The following KALRN variants were observed in gnomAD, a reference collection of about 807,000 sequenced individuals.
KALRN encodes kalirin.
Under a neutral mutation model 353.7 loss-of-function variants are expected in KALRN, and 70 were observed. That is an observed-to-expected ratio of 0.20 (90% CI 0.16 to 0.24). KALRN has a LOEUF of 0.24. Ranked by LOEUF, KALRN falls within the 10% of genes least tolerant of loss-of-function variation. The pLI is 1.00. For synonymous variants in KALRN, 1,391 were observed against 1,434.8 expected, an observed-to-expected ratio of 0.97 and a Z score of 0.69; for missense variants, 2,791 against 3,756.7, an observed-to-expected ratio of 0.74 and a Z score of 6.72.
chr3:124,337,753 G>T (rs560609272), intron 9 of KALRN, among the ~76,000 whole-genome samples: 3 of 152,130 alleles, frequency 2.0e-5, no homozygotes, highest in Non-Finnish European at 2.9e-5. Context: ...TTAGAATTCG[G>T]CTGTGAATCC....
intron 34 of KALRN, among the ~76,000 whole-genome samples, chr3:124,628,514 C>CCCTTCCTTT (rs1444425806): frequency 1.3e-5 from 1 of 77,368 alleles, no homozygotes. Context: ...TCCCTTCCTT[C>CCCTTCCTTT]CCTTCCTTTC....
intron 6 of KALRN, 143 bp downstream of exon 6, chr3:124,299,056 A>T: frequency 2.7e-6 from 3 of 1,106,796 alleles, no homozygotes; most frequent in Non-Finnish European, 4.0e-6. Flanking sequence ...TGGAATGGGG[A>T]TGAGTGCAGG....
At chr3:124,629,104 G>A (rs768989395) in intron 34 of KALRN, among the ~76,000 whole-genome samples, 4 of 152,058 alleles carry the variant, frequency 2.6e-5, no homozygotes, top group Non-Finnish European at 5.9e-5. Flanking sequence ...TATGCAAACC[G>A]GCACTGTCAG....
intron 1 of KALRN, among the ~76,000 whole-genome samples, chr3:124,055,591 T>TC (rs2041456445): frequency 6.6e-6 from 1 of 152,196 alleles, no homozygotes; most frequent in African/African-American, 2.4e-5. Context: ...GTTTGTGATT[T>TC]CCCCCTTAGA....
At chr3:124,076,702 A>G (rs1214035426) in intron 1 of KALRN, among the ~76,000 whole-genome samples, 1 of 152,212 alleles carries the variant, frequency 6.6e-6, no homozygotes, top group African/African-American at 2.4e-5. Flanking sequence ...AAAGATCATA[A>G]TGACCCATGT....
intron 34 of KALRN, among the ~76,000 whole-genome samples, chr3:124,628,307 TCCCTCCC>T (rs1561463775): frequency 0.014 from 43 of 3,018 alleles, 3 homozygotes; most frequent in East Asian, 0.1. Flanking sequence ...CTTCATTCCC[TCCCTCCC>T]CCCTCCTTCC....
intron 1 of KALRN, among the ~76,000 whole-genome samples, chr3:124,182,544 G>T (rs1384923982): frequency 6.6e-6 from 1 of 152,216 alleles, no homozygotes; most frequent in Non-Finnish European, 1.5e-5. Flanking sequence ...GGAAGCCACA[G>T]TCGCACATAG....
chr3:124,314,824 T>C (rs1249085688), intron 6 of KALRN, among the ~76,000 whole-genome samples: 1 of 151,876 alleles, frequency 6.6e-6, no homozygotes, highest in East Asian at 1.9e-4. Flanking sequence ...CTGGCTAATT[T>C]TTTAATTTTT....
rs1267227737 is a variant in KALRN, at chr3:124,033,916, G to A, written c.73+103G>A. 1.3e-5 allele frequency among the ~76,000 whole-genome samples: 2 copies of A among 152,194 alleles called. No individual in the cohort carries two copies. Among genetic ancestry groups the A allele is most frequent in the Non-Finnish European group, 1.5e-5 (1 of 68,030 alleles). On this transcript the variant is annotated intron_variant, in intron 1 of 59. Coordinates refer to ENST00000682506, the MANE Select transcript of KALRN (RefSeq NM_001388419.1). The surrounding 1 kb of genome is among the most constrained non-coding windows in gnomAD (Gnocchi z 6.2). The stretch of plus-strand genomic sequence containing the variant: ...GGAGGGCTGTTGCTGCCGCGTGCGT[G>A]TTGGGGGGCAGTGCCCCCTCGGCGT...
At chr3:124,455,414 C>A (rs2059207956) in intron 22 of KALRN, 55 bp downstream of exon 22, 20 of 1,501,650 alleles carry the variant, frequency 1.3e-5, no homozygotes, top group Non-Finnish European at 1.7e-5. Flanking sequence ...CCCTGAGCAC[C>A]ACTGCCCTCA....
At chr3:124,192,965 GTTAA>G (rs990589243) in intron 1 of KALRN, among the ~76,000 whole-genome samples, 3 of 152,224 alleles carry the variant, frequency 2.0e-5, no homozygotes, top group Non-Finnish European at 2.9e-5. Context: ...TTTGCCTTGA[GTTAA>G]TTACATATGC....
intron 1 of KALRN, among the ~76,000 whole-genome samples, chr3:124,053,619 T>TAA (rs200457389): frequency 6.6e-6 from 1 of 151,562 alleles, no homozygotes; most frequent in Non-Finnish European, 1.5e-5. Context: ...TACAAAACGT[T>TAA]AAAAAAAAAC....
chr3:124,579,393 G>A (rs2074420095), intron 34 of KALRN, among the ~76,000 whole-genome samples: 1 of 152,242 alleles, frequency 6.6e-6, no homozygotes, highest in African/African-American at 2.4e-5. Context: ...TGAAGACAAA[G>A]TCTGCCAAAA....
chr3:124,239,091 A>G (rs1414410783), intron 3 of KALRN, among the ~76,000 whole-genome samples: 3 of 152,174 alleles, frequency 2.0e-5, no homozygotes, highest in African/African-American at 7.2e-5. Context: ...ACACTTATCT[A>G]ACATTTTTTT....
intron 21 of KALRN, among the ~76,000 whole-genome samples, chr3:124,452,202 G>A (rs1356123798): frequency 6.6e-6 from 1 of 152,168 alleles, no homozygotes; most frequent in African/African-American, 2.4e-5. Flanking sequence ...GGCCATGGTT[G>A]ATGTCTAAGT....
At position 124,205,417 on chromosome 3, in the gene KALRN, G is replaced by A. The variant is rs370992196; in HGVS notation, c.74-22573G>A. Among the ~76,000 whole-genome samples the A allele has an allele frequency of 3.9e-5, 6 of 152,296 alleles. No individual in the cohort carries two copies. In the East Asian group the frequency reaches 9.6e-4, roughly 24 times the overall value. On this transcript the variant is annotated intron_variant, in intron 1 of 59. Coordinates refer to ENST00000682506, the MANE Select transcript of KALRN (RefSeq NM_001388419.1). ...CTCTCGCAGCTCCTACTTGACAGTC[G>A]TGTGACCTTGGGCAAATCATTTGAC...
chr3:124,558,142 C>T (rs1047428407), intron 33 of KALRN, among the ~76,000 whole-genome samples: 1 of 152,162 alleles, frequency 6.6e-6, no homozygotes, highest in Admixed American at 6.5e-5. Flanking sequence ...AAAGGATTCA[C>T]TTACATAATA....
chr3:124,192,403 G>A (rs958565946), intron 1 of KALRN, among the ~76,000 whole-genome samples: 4 of 152,096 alleles, frequency 2.6e-5, no homozygotes, highest in African/African-American at 4.8e-5. Context: ...TGAAGGGAGC[G>A]GGGAGGTGGG....
At chr3:124,227,660 G>A (rs980023699) in intron 1 of KALRN, among the ~76,000 whole-genome samples, 2 of 107,714 alleles carry the variant, frequency 1.9e-5, no homozygotes, top group Non-Finnish European at 3.8e-5. Context: ...TAGCAACAGG[G>A]CTGTTTTTTT....
Sources: allele counts gnomAD v4.1 joint callset (sites outside exome capture counted in the v4.1 genomes callset), GRCh38; gene constraint gnomAD v4.1.1; non-coding constraint Gnocchi (gnomAD v3.1); transcripts MANE v1.5; gene names NCBI Gene and HGNC (gene_info 2026-07-23, HGNC 2026-07-21).